Variants in PWWP3B observed in about 807,000 individuals in gnomAD.
The protein encoded by PWWP3B is PWWP domain containing 3B.
Under a neutral mutation model 15.7 loss-of-function variants are expected in PWWP3B, and 5 were observed. That is an observed-to-expected ratio of 0.32 (90% confidence interval 0.17 to 0.67). The LOEUF (loss-of-function observed/expected upper bound fraction) is 0.67, where lower values mean the gene tolerates loss of function less well. Ranked by LOEUF, PWWP3B falls within the 30% of genes least tolerant of loss-of-function variation. PWWP3B has a pLI of 0.74. For missense variants in PWWP3B, 519 were observed against 493.1 expected (o/e 1.05, Z -0.50); for synonymous variants, 203 against 179.8 (o/e 1.13, Z -1.03).
In PWWP3B at chrX:106,189,766, T is replaced by G. The variant is rs1212504071; in HGVS notation, c.-400-14219T>G. On this transcript the variant is annotated intron_variant, in intron 2 of 3. Coordinates refer to ENST00000357175, the MANE Select transcript of PWWP3B (RefSeq NM_001171020.2). The stretch of plus-strand genomic sequence containing the variant: ...CCGAGTAGCTGGGACTACAGGCGCC[T>G]GCTACCACGCCCGGCTAATTTTTTG... Among the ~76,000 whole-genome samples the G allele has an allele frequency of 2.7e-5, 3 of 109,253 alleles. 1 individual carries two copies. Among genetic ancestry groups the G allele is most frequent in the African/African-American group, 1.0e-4 (3 of 30,008 alleles). 94.9% of individuals were successfully genotyped at this position (109,253 alleles called of 115,157 possible).
At chrX:106,178,662 A>C (rs1263516633) in intron 2 of PWWP3B, among the ~76,000 whole-genome samples, 3 of 112,252 alleles carry the variant, frequency 2.7e-5, no homozygotes, top group Non-Finnish European at 5.6e-5. Context: ...ATTCACTAAA[A>C]AATCACATTG....
intron 2 of PWWP3B, among the ~76,000 whole-genome samples, chrX:106,179,491 G>A (rs1039107011): frequency 8.9e-6 from 1 of 112,198 alleles, no homozygotes; most frequent in Non-Finnish European, 1.9e-5. Context: ...GCCTGTTAAA[G>A]TTTAGGCAGG....
In PWWP3B at chrX:106,205,728, A is replaced by G; in HGVS notation, c.296A>G (p.Glu99Gly). 8.3e-7 allele frequency: 1 copy of G among 1,211,843 alleles called. No homozygotes were observed. Among genetic ancestry groups the G allele is most frequent in the Non-Finnish European group, 1.1e-6 (1 of 895,498 alleles). ...SLKVALGILN[E>G]RTNLSQASTS... ...AAAGTGGCACTGGGTATTCTGAATG[A>G]GAGAACAAATTTGAGTCAAGCAAGC... The change falls in exon 4 of 4, where the codon GAG becomes GGG. Residue 99 changes from glutamate (E) to glycine (G), a missense_variant. By Grantham distance (98) the Glu-to-Gly change is moderately conservative. Transcript: ENST00000357175.
At chrX:106,202,554 C>T (rs907250855) in intron 2 of PWWP3B, among the ~76,000 whole-genome samples, 7 of 111,525 alleles carry the variant, frequency 6.3e-5, no homozygotes, top group Non-Finnish European at 1.3e-4. Context: ...GCATAGTTGC[C>T]GTGTCAACTA....
At chrX:106,178,640 G>T (rs1922024879) in intron 2 of PWWP3B, among the ~76,000 whole-genome samples, 1 of 111,664 alleles carries the variant, frequency 9.0e-6, no homozygotes, top group African/African-American at 3.3e-5. Flanking sequence ...GGGGAAAATT[G>T]CATTTGAAGT....
At chrX:106,181,318 T>C (rs904476937) in intron 2 of PWWP3B, among the ~76,000 whole-genome samples, 23 of 111,559 alleles carry the variant, frequency 2.1e-4, no homozygotes, top group African/African-American at 7.5e-4. Flanking sequence ...TTTTATTCCC[T>C]TATTTGTCCC....
At chrX:106,183,804 AG>A (rs1922348445) in intron 2 of PWWP3B, among the ~76,000 whole-genome samples, 1 of 112,172 alleles carries the variant, frequency 8.9e-6, no homozygotes, top group South Asian at 3.7e-4. Flanking sequence ...TCCGGGGCTC[AG>A]TGAGGGTGAT....
intron 2 of PWWP3B, among the ~76,000 whole-genome samples, chrX:106,183,839 G>A (rs769208601): frequency 1.8e-5 from 2 of 112,374 alleles, no homozygotes; most frequent in East Asian, 2.8e-4. Context: ...GCTTGTCCTG[G>A]TCACCCTCAG....
intron 2 of PWWP3B, among the ~76,000 whole-genome samples, chrX:106,185,983 C>A (rs1191250660): frequency 9.0e-6 from 1 of 111,671 alleles, no homozygotes; most frequent in Non-Finnish European, 1.9e-5. Flanking sequence ...TTGGTGAGCC[C>A]AGGTGCCTAA....
At chrX:106,175,726 C>T (rs767305246) in intron 2 of PWWP3B, among the ~76,000 whole-genome samples, 54 of 111,166 alleles carry the variant, frequency 4.9e-4, no homozygotes, top group African/African-American at 1.6e-3. Context: ...GCTTTGTGAC[C>T]GTGGCATTAG....
chrX:106,189,906 C>T (rs182983704), intron 2 of PWWP3B, among the ~76,000 whole-genome samples: 27 of 112,459 alleles, frequency 2.4e-4, no homozygotes, highest in African/African-American at 7.1e-4. Context: ...CGTGAGCCAC[C>T]GCGCCCGGCG....
chrX:106,184,092 A>T (rs1452982006), intron 2 of PWWP3B, among the ~76,000 whole-genome samples: 1 of 111,776 alleles, frequency 8.9e-6, no homozygotes, highest in Non-Finnish European at 1.9e-5. Flanking sequence ...TCTGAAGGCC[A>T]TGACTAAGGC....
chrX:106,202,590 G>A (rs1251624484), intron 2 of PWWP3B, among the ~76,000 whole-genome samples: 1 of 111,662 alleles, frequency 9.0e-6, no homozygotes, highest in African/African-American at 3.3e-5. Context: ...CCTCCCTGCA[G>A]TTTATTCTTT....
At chrX:106,181,891 G>T (rs760015252) in intron 2 of PWWP3B, among the ~76,000 whole-genome samples, 4 of 112,138 alleles carry the variant, frequency 3.6e-5, no homozygotes, top group African/African-American at 1.3e-4. Context: ...AAAATATAGG[G>T]CCCAAAGGCG....
chrX:106,175,547 T>G (rs7059526), intron 2 of PWWP3B, among the ~76,000 whole-genome samples: 15,759 of 110,343 alleles, frequency 0.14, 2,841 homozygotes, highest in African/African-American at 0.5. Context: ...GCCACGCTGG[T>G]GTTATATTCA....
chrX:106,194,253 T>G (rs1923217345), intron 2 of PWWP3B, among the ~76,000 whole-genome samples: 1 of 111,480 alleles, frequency 9.0e-6, no homozygotes, highest in Non-Finnish European at 1.9e-5. Flanking sequence ...TTCATTCTTT[T>G]TTCTCTAAAT....
At chrX:106,202,187 A>C (rs751902325) in intron 2 of PWWP3B, among the ~76,000 whole-genome samples, 19 of 112,156 alleles carry the variant, frequency 1.7e-4, no homozygotes, top group Non-Finnish European at 2.8e-4. Flanking sequence ...TGTATGTGTC[A>C]CATGTACATG....
At chrX:106,192,308 G>C (rs1472556529) in intron 2 of PWWP3B, among the ~76,000 whole-genome samples, 2 of 111,905 alleles carry the variant, frequency 1.8e-5, no homozygotes, top group African/African-American at 6.5e-5. Context: ...ATTTCTTCTA[G>C]ATTTTCTAGT....
chrX:106,203,402 C>T (rs1394674199), intron 2 of PWWP3B, among the ~76,000 whole-genome samples: 2 of 111,461 alleles, frequency 1.8e-5, no homozygotes, highest in African/African-American at 6.5e-5. Context: ...TCCTGGCTAG[C>T]TGTATGTAGT....
Sources: gnomAD v4.1 joint callset for allele counts (sites outside exome capture counted in the v4.1 genomes callset) on GRCh38, gnomAD v4.1.1 for gene constraint, MANE v1.5 for transcripts, NCBI Gene and HGNC (gene_info 2026-07-23, HGNC 2026-07-21) for gene names.